MEX3C: variants seen among roughly 807,000 people sequenced by gnomAD.
The protein encoded by MEX3C is RNA-binding E3 ubiquitin-protein ligase MEX3C.
Under a neutral mutation model 35.5 loss-of-function variants are expected in MEX3C, and 15 were observed. The observed-to-expected ratio is 0.42, with a 90% confidence interval of 0.28 to 0.65. The LOEUF (loss-of-function observed/expected upper bound fraction) is 0.65. MEX3C is among the 30% of genes least tolerant of loss of function. The pLI is 0.20. For synonymous variants in MEX3C, 390 were observed against 352.8 expected, an observed-to-expected ratio of 1.11 and a Z score of -1.18; for missense variants, 711 against 842.8, an observed-to-expected ratio of 0.84 and a Z score of 1.94.
Position 51,177,346 on chromosome 18 carries a change from C to T in MEX3C, c.985G>A (p.Val329Ile), listed in dbSNP as rs780330593. ...ACACGATAAGGGACCCTGACTTGGA[C>T]GGTGGTTTGACCGGGCAGATTAGGA... ...CSPNLPGQTT[V>I]QVRVPYRVVG... Residue 329 changes from valine to isoleucine, a missense_variant, in exon 2 of 2, where the codon GTC becomes ATC. Val to Ile is a conservative substitution (Grantham distance 29). Transcript: ENST00000406189. The surrounding 1 kb of genome is among the most constrained non-coding windows in gnomAD (Gnocchi z 4.2). 1.4e-5 allele frequency: 23 copies of T among 1,613,972 alleles called. 1 individual carries two copies. The South Asian group carries it at 1.8e-4, about 12-fold the overall frequency.
intron 1 of MEX3C, among the ~76,000 whole-genome samples, chr18:51,180,113 CAG>C (rs950745944): frequency 8.6e-5 from 13 of 151,790 alleles, no homozygotes; most frequent in African/African-American, 2.9e-4. Flanking sequence ...AAAAGGAAAA[CAG>C]AAATAAAAGA....
At chr18:51,190,186 T>C (rs1296892439) in intron 1 of MEX3C, among the ~76,000 whole-genome samples, 1 of 152,168 alleles carries the variant, frequency 6.6e-6, no homozygotes, top group Non-Finnish European at 1.5e-5. Flanking sequence ...TTAAGTGATT[T>C]ATCCAAGGTC....
chr18:51,178,579 A>G (rs891016264), intron 1 of MEX3C, among the ~76,000 whole-genome samples: 2 of 152,152 alleles, frequency 1.3e-5, no homozygotes, highest in Non-Finnish European at 2.9e-5. Flanking sequence ...GTCAAAATAA[A>G]GAAGCTAGGT....
At chr18:51,185,838 T>C (rs753559520) in intron 1 of MEX3C, among the ~76,000 whole-genome samples, 14 of 152,042 alleles carry the variant, frequency 9.2e-5, no homozygotes, top group African/African-American at 1.9e-4. Flanking sequence ...GGTGGGAGGA[T>C]TGCTTGAGGC....
intron 1 of MEX3C, among the ~76,000 whole-genome samples, chr18:51,179,047 A>C: frequency 6.7e-6 from 1 of 149,850 alleles, no homozygotes; most frequent in Non-Finnish European, 1.5e-5. Context: ...TCTGTCACCC[A>C]GGCTGGAGTG....
At chr18:51,183,041 G>T (rs1912463419) in intron 1 of MEX3C, among the ~76,000 whole-genome samples, 1 of 152,136 alleles carries the variant, frequency 6.6e-6, no homozygotes, top group Admixed American at 6.5e-5. Flanking sequence ...AGGGAGTGTG[G>T]CATTATTGAG....
chr18:51,176,780 G>A lies in MEX3C; in HGVS notation c.1551C>T (p.Asn517=). Reference sequence around the variant, plus strand: ...GATCACTCCCAAAGCCAGAGAGTGGGTTAACTGGTTCAAATGGAGTCCAGA... The same window carrying A: ...GATCACTCCCAAAGCCAGAGAGTGGATTAACTGGTTCAAATGGAGTCCAGA... ...QTIWTPFEPV[N]PLSGFGSDPS... is the part of the protein sequence containing the mutation. The change falls in exon 2 of 2, where the codon AAC becomes AAT. Residue 517 remains asparagine, a synonymous_variant. Transcript: ENST00000406189. 1 of 1,614,012 alleles carries A rather than the reference G, an allele frequency of 6.2e-7. No homozygotes were observed.
At chr18:51,187,961 G>C (rs1279176304) in intron 1 of MEX3C, among the ~76,000 whole-genome samples, 2 of 152,054 alleles carry the variant, frequency 1.3e-5, no homozygotes, top group Non-Finnish European at 2.9e-5. Flanking sequence ...TATCTTCAAA[G>C]ACTAATGAGT....
chr18:51,196,223 G>A (rs1180929946), intron 1 of MEX3C: 9 of 369,664 alleles, frequency 2.4e-5, no homozygotes, highest in African/African-American at 1.7e-4. Flanking sequence ...ACCCAACAGC[G>A]AACCCACAAC....
At chr18:51,182,776 A>C (rs1458210798) in intron 1 of MEX3C, among the ~76,000 whole-genome samples, 2 of 152,232 alleles carry the variant, frequency 1.3e-5, no homozygotes, top group Non-Finnish European at 2.9e-5. Flanking sequence ...AAATGAAGGT[A>C]ATCTTCAGTG....
chr18:51,196,740 T>C lies in MEX3C; in HGVS notation c.581A>G (p.Gln194Arg). The change falls in exon 1 of 2, where the codon CAG (glutamine) becomes CGG (arginine). Residue 194 changes from glutamine to arginine, a missense_variant. Gln to Arg is a conservative substitution (Grantham distance 43). This residue lies in a region of MEX3C where 354 missense variants were observed against 311.6 expected (regional missense o/e 1.14). Coordinates refer to ENST00000406189, the MANE Select transcript of MEX3C (RefSeq NM_016626.5). ...AGVLYGGDDA[Q>R]GMMAAMLSHA... is the part of the protein sequence containing the mutation. The stretch of plus-strand genomic sequence containing the variant: ...GGACAGCATCGCCGCCATCATGCCC[T>C]GGGCATCGTCCCCTCCGTACAGCAC... 1 of 1,520,472 alleles carries C rather than the reference T, an allele frequency of 6.6e-7. No individual in the cohort carries two copies. The highest frequency in any genetic ancestry group is 1.2e-5 in the South Asian group (1 of 82,826). 94.2% of individuals were successfully genotyped at this position (1,520,472 alleles called of 1,614,324 possible). A position where few individuals can be genotyped will look rare whatever the true frequency, so the allele number is the denominator to read the frequency against.
At chr18:51,181,605 G>A (rs923163999) in intron 1 of MEX3C, among the ~76,000 whole-genome samples, 6 of 152,136 alleles carry the variant, frequency 3.9e-5, no homozygotes, top group African/African-American at 9.7e-5. Flanking sequence ...ATATTCTTAC[G>A]CTTCTACAAT....
Position 51,177,640 on chromosome 18 carries a change from T to A in MEX3C, c.755-64A>T. ...CTTCAATGATATATATAAAGACAAA[T>A]CACAGAATGCACCTTTTAAGCTAAA... On this transcript the variant is annotated intron_variant, in intron 1 of 1. Coordinates refer to ENST00000406189, the MANE Select transcript of MEX3C (RefSeq NM_016626.5). This position sits in a 1 kb window ranked among gnomAD's most constrained non-coding sequence, Gnocchi z 4.2. 1.3e-6 allele frequency: 2 copies of A among 1,484,998 alleles called. No individual in the cohort carries two copies. Among genetic ancestry groups the A allele is most frequent in the Non-Finnish European group, 1.8e-6 (2 of 1,111,052 alleles). 92.0% of individuals were successfully genotyped at this position (1,484,998 alleles called of 1,614,324 possible). A position where few individuals can be genotyped will look rare whatever the true frequency, so the allele number is the denominator to read the frequency against.
At chr18:51,192,439 T>C (rs182432331) in intron 1 of MEX3C, among the ~76,000 whole-genome samples, 3 of 152,196 alleles carry the variant, frequency 2.0e-5, no homozygotes, top group African/African-American at 7.2e-5. Flanking sequence ...AGTGTCTATA[T>C]ATATACGCAA....
In MEX3C at chr18:51,174,990, C is replaced by T. The variant is rs552259221; in HGVS notation, c.*1361G>A. On this transcript the variant is annotated 3_prime_UTR_variant, in exon 2 of 2. Coordinates refer to ENST00000406189, the MANE Select transcript of MEX3C (RefSeq NM_016626.5). The stretch of plus-strand genomic sequence containing the variant: ...CATTTACTATCCTACAAGCAATTAG[C>T]ATTACATCATAATATGCCATCAAGG... 3 of 152,648 alleles carry T rather than the reference C, an allele frequency of 2.0e-5. No homozygotes were observed. In the South Asian group the frequency reaches 6.2e-4, roughly 32 times the overall value. The allele number at this position is 152,648 out of a possible 1,614,324, so 9.5% of individuals were successfully genotyped here. A position where few individuals can be genotyped will look rare whatever the true frequency, so the allele number is the denominator to read the frequency against.
chr18:51,176,751 G>C lies in MEX3C; in HGVS notation c.1580C>G (p.Ser527Cys), dbSNP rs763000535. The change falls in exon 2 of 2, where the codon TCT becomes TGT. Residue 527 changes from serine to cysteine, a missense_variant. Transcript: ENST00000406189. ...NPLSGFGSDPSGNMKTQRRGS... is the reference protein window; with the variant it reads ...NPLSGFGSDPCGNMKTQRRGS... The stretch of plus-strand genomic sequence containing the variant: ...TCTGCGCTGAGTCTTCATGTTACCA[G>C]AAGGATCACTCCCAAAGCCAGAGAG... The C allele has an allele frequency of 3.1e-6, 5 of 1,613,924 alleles. No homozygotes were observed. In the Admixed American group the frequency reaches 6.7e-5, roughly 22 times the overall value.
chr18:51,195,836 C>CTG (rs1402976446), intron 1 of MEX3C: 2 of 152,334 alleles, frequency 1.3e-5, no homozygotes, highest in African/African-American at 4.8e-5. Flanking sequence ...GGAGAATTAA[C>CTG]TGAAAACTGT....
At chr18:51,184,649 G>A (rs1204561490) in intron 1 of MEX3C, among the ~76,000 whole-genome samples, 1 of 152,010 alleles carries the variant, frequency 6.6e-6, no homozygotes, top group Non-Finnish European at 1.5e-5. Context: ...TTGAGTTCAG[G>A]AGTTTGAAAC....
Position 51,177,630 on chromosome 18 carries a change from T to C in MEX3C, c.755-54A>G, listed in dbSNP as rs2144546964. On this transcript the variant is annotated intron_variant, in intron 1 of 1. Coordinates refer to ENST00000406189, the MANE Select transcript of MEX3C (RefSeq NM_016626.5). The surrounding 1 kb of genome is among the most constrained non-coding windows in gnomAD (Gnocchi z 4.2). ...TCAACATCTACTTCAATGATATATATAAAGACAAATCACAGAATGCACCTT... is the reference window on the plus strand; with the variant it reads ...TCAACATCTACTTCAATGATATATACAAAGACAAATCACAGAATGCACCTT... 6.6e-7 allele frequency: 1 copy of C among 1,506,866 alleles called. No homozygotes were observed. Among genetic ancestry groups the C allele is most frequent in the East Asian group, 2.3e-5 (1 of 44,138 alleles). The allele number at this position is 1,506,866 out of a possible 1,614,324, so 93.3% of individuals were successfully genotyped here.
Sources: gnomAD v4.1 joint callset for allele counts (sites outside exome capture counted in the v4.1 genomes callset) on GRCh38, gnomAD v4.1.1 for gene constraint, gnomAD v4.1.1 regional missense constraint, Gnocchi (gnomAD v3.1) non-coding constraint, MANE v1.5 for transcripts, NCBI Gene and HGNC (gene_info 2026-07-23, HGNC 2026-07-21) for gene names.